The following KANSL1 variants were observed in gnomAD, a reference collection of about 807,000 sequenced individuals.
KANSL1 encodes the protein KAT8 regulatory NSL complex subunit 1.
A neutral mutation model predicts 103.6 loss-of-function variants in KANSL1; 22 were observed. That is an observed-to-expected ratio of 0.21 (90% CI 0.15 to 0.30). The LOEUF (loss-of-function observed/expected upper bound fraction) is 0.30. KANSL1 is among the 10% of genes least tolerant of loss of function. The probability of loss-of-function intolerance (pLI) is 1.00; values close to 1 mark genes in which losing one functional copy is unlikely to be tolerated. For missense variants in KANSL1, 1,337 were observed against 1,399.8 expected (o/e 0.96, Z 0.72); for synonymous variants, 600 against 527.6 (o/e 1.14, Z -1.88).
chr17:46,191,276 A>T (rs962925771), intron 1 of KANSL1, among the ~76,000 whole-genome samples: 8 of 152,252 alleles, frequency 5.3e-5, no homozygotes, highest in Non-Finnish European at 8.8e-5. Flanking sequence ...CATTAGGCAC[A>T]AAACAATTAC....
intron 3 of KANSL1, among the ~76,000 whole-genome samples, chr17:46,090,306 G>T (rs1023278238): frequency 3.3e-5 from 5 of 152,180 alleles, no homozygotes; most frequent in African/African-American, 1.2e-4. Context: ...CCTCCAGAAC[G>T]GTGAGAGAAC....
chr17:46,172,309 CT>C (rs1382103729), intron 1 of KANSL1, 77 bp from the exon 2 acceptor site: 1 of 745,530 alleles, frequency 1.3e-6, no homozygotes, highest in Non-Finnish European at 2.1e-6. Flanking sequence ...AAAAGCACTA[CT>C]TGAGGCTGTT....
At chr17:46,127,163 C>T (rs956382097) in intron 2 of KANSL1, among the ~76,000 whole-genome samples, 1 of 152,234 alleles carries the variant, frequency 6.6e-6, no homozygotes, top group African/African-American at 2.4e-5. Context: ...ACTATTTTCA[C>T]CCCTCACAAT....
intron 1 of KANSL1, among the ~76,000 whole-genome samples, chr17:46,205,972 G>T (rs146467757): frequency 7.1e-3 from 1,065 of 150,864 alleles, no homozygotes; most frequent in Non-Finnish European, 0.011. Context: ...AGCTGCTTGG[G>T]GGGCTGAGGA....
chr17:46,147,572 TA>T (rs10717937), intron 2 of KANSL1, among the ~76,000 whole-genome samples: 15,453 of 100,800 alleles, frequency 0.15, 1,203 homozygotes, highest in East Asian at 0.35. Flanking sequence ...TGAGACTCTT[TA>T]AAAAAAAAAA....
intron 2 of KANSL1, among the ~76,000 whole-genome samples, chr17:46,164,809 T>A (rs2045915004): frequency 6.6e-6 from 1 of 152,236 alleles, no homozygotes; most frequent in Non-Finnish European, 1.5e-5. Context: ...TCACGTAGGG[T>A]CAGCTCCCTC....
intron 2 of KANSL1, among the ~76,000 whole-genome samples, chr17:46,147,330 T>C (rs1300424548): frequency 1.3e-5 from 2 of 152,158 alleles, no homozygotes; most frequent in Non-Finnish European, 2.9e-5. Flanking sequence ...ACCCAGCACT[T>C]TGGAAGGCCA....
chr17:46,212,104 T>C (rs1390592997), intron 1 of KANSL1, among the ~76,000 whole-genome samples: 2 of 152,234 alleles, frequency 1.3e-5, no homozygotes, highest in Non-Finnish European at 2.9e-5. Flanking sequence ...AATATATACA[T>C]ACATATTATA....
upstream of KANSL1, among the ~76,000 whole-genome samples, chr17:46,195,785 G>A (rs929954467): frequency 3.3e-5 from 5 of 152,012 alleles, no homozygotes; most frequent in African/African-American, 9.7e-5. Flanking sequence ...GGCTGGTCTC[G>A]AACTCCTGGA....
intron 13 of KANSL1, chr17:46,032,596 A>G: frequency 2.6e-6 from 1 of 387,880 alleles, no homozygotes; most frequent in East Asian, 3.9e-5. Flanking sequence ...TAGTCAAAGA[A>G]AAAAAAGTAA....
chr17:46,166,191 G>A (rs573642794), intron 2 of KANSL1, among the ~76,000 whole-genome samples: 1 of 144,406 alleles, frequency 6.9e-6, no homozygotes, highest in East Asian at 2.0e-4. Flanking sequence ...TCTAGCCTGG[G>A]CGACAGAGTG....
At chr17:46,207,365 C>T (rs1172822074) in intron 1 of KANSL1, among the ~76,000 whole-genome samples, 3 of 151,982 alleles carry the variant, frequency 2.0e-5, no homozygotes, top group Admixed American at 1.3e-4. Context: ...CAAAAATTAG[C>T]TGGGCGTGGT....
chr17:46,041,376 C>G (rs2077308218), intron 7 of KANSL1: 1 of 152,182 alleles, frequency 6.6e-6, no homozygotes, highest in Admixed American at 6.5e-5. Context: ...TGACATTTCA[C>G]CACCATGGAT....
chr17:46,190,319 C>G (rs548816848), intron 1 of KANSL1, among the ~76,000 whole-genome samples: 1 of 152,328 alleles, frequency 6.6e-6, no homozygotes, highest in Non-Finnish European at 1.5e-5. Context: ...GAAACACTCA[C>G]GTAACAAAGA....
At chr17:46,112,688 A>C (rs2042871773) in intron 2 of KANSL1, among the ~76,000 whole-genome samples, 1 of 151,782 alleles carries the variant, frequency 6.6e-6, no homozygotes, top group South Asian at 2.1e-4. Context: ...GTCTCCAAAA[A>C]ACAAAACAAA....
At chr17:46,130,211 A>G (rs1053567321) in intron 2 of KANSL1, among the ~76,000 whole-genome samples, 2 of 147,434 alleles carry the variant, frequency 1.4e-5, no homozygotes, top group African/African-American at 5.0e-5. Flanking sequence ...AAAAAAAAGG[A>G]ATCAACTAGG....
At chr17:46,116,910 T>G (rs1262712801) in intron 2 of KANSL1, among the ~76,000 whole-genome samples, 1 of 152,210 alleles carries the variant, frequency 6.6e-6, no homozygotes, top group Non-Finnish European at 1.5e-5. Flanking sequence ...ATATTTTAAA[T>G]GGCAAAATAA....
At chr17:46,193,949 GCGGCTTCCGC>G (rs1366389082), upstream of KANSL1, 1 of 158,040 alleles carries the variant, frequency 6.3e-6, no homozygotes, top group African/African-American at 2.4e-5. Flanking sequence ...GACCAGTGAA[GCGGCTTCCGC>G]CGCCCGCCCT....
At chr17:46,192,057 T>C (rs966970988) in intron 1 of KANSL1, among the ~76,000 whole-genome samples, 1 of 152,216 alleles carries the variant, frequency 6.6e-6, no homozygotes, top group Non-Finnish European at 1.5e-5. Flanking sequence ...GGCGCCATCA[T>C]GTCACCCCTT....
Sources: gnomAD v4.1 joint callset for allele counts (sites outside exome capture counted in the v4.1 genomes callset) on GRCh38, gnomAD v4.1.1 for gene constraint, MANE v1.5 for transcripts, NCBI Gene and HGNC (gene_info 2026-07-23, HGNC 2026-07-21) for gene names.